Variants in CSNK2A2IP observed in about 807,000 individuals in gnomAD.
The protein encoded by CSNK2A2IP is casein kinase 2 subunit alpha' interacting protein.
the CSNK2A2IP span, among the ~76,000 whole-genome samples, chr3:88,419,835 A>T: frequency 6.6e-6 from 1 of 152,198 alleles, no homozygotes; most frequent in Non-Finnish European, 1.5e-5. Context: ...AACAAACATT[A>T]TAAAAAACCG....
the CSNK2A2IP span, among the ~76,000 whole-genome samples, chr3:88,433,977 G>A: frequency 9.9e-5 from 15 of 152,160 alleles, no homozygotes; most frequent in African/African-American, 2.9e-4. Flanking sequence ...TATATATCAC[G>A]CTGTTAAAAA....
At chr3:88,394,731 A>C in the CSNK2A2IP span, among the ~76,000 whole-genome samples, 1 of 152,158 alleles carries the variant, frequency 6.6e-6, no homozygotes, top group Non-Finnish European at 1.5e-5. Context: ...CCATTTATTG[A>C]CTATATATTT....
chr3:88,382,088 T>C, the CSNK2A2IP span, among the ~76,000 whole-genome samples: 1 of 152,350 alleles, frequency 6.6e-6, no homozygotes, highest in Non-Finnish European at 1.5e-5. Context: ...CACCCAATTT[T>C]CCTGCAGCAT....
chr3:88,382,311 T>C, the CSNK2A2IP span, among the ~76,000 whole-genome samples: 15,843 of 152,186 alleles, frequency 0.1, 1,296 homozygotes, highest in Admixed American at 0.27. Context: ...ATAGTCCCAA[T>C]AAATCTGTGA....
At chr3:88,424,925 G>T in the CSNK2A2IP span, among the ~76,000 whole-genome samples, 1 of 151,928 alleles carries the variant, frequency 6.6e-6, no homozygotes, top group East Asian at 1.9e-4. Flanking sequence ...CCTAAGGAAT[G>T]AATCTAAAGA....
At chr3:88,427,354 G>A in the CSNK2A2IP span, among the ~76,000 whole-genome samples, 1 of 152,204 alleles carries the variant, frequency 6.6e-6, no homozygotes, top group African/African-American at 2.4e-5. Context: ...AAAATTTGCA[G>A]CCTGACAATG....
chr3:88,419,482 A>G, the CSNK2A2IP span, among the ~76,000 whole-genome samples: 1 of 152,154 alleles, frequency 6.6e-6, no homozygotes, highest in South Asian at 2.1e-4. Flanking sequence ...TATTTGTACC[A>G]TATTTTCTTT....
the CSNK2A2IP span, among the ~76,000 whole-genome samples, chr3:88,382,196 C>G: frequency 1.3e-5 from 2 of 152,204 alleles, no homozygotes; most frequent in Non-Finnish European, 2.9e-5. Flanking sequence ...ACTAAGCCAT[C>G]TCAGAGTTGC....
At chr3:88,381,735 T>C in the CSNK2A2IP span, among the ~76,000 whole-genome samples, 5 of 152,174 alleles carry the variant, frequency 3.3e-5, no homozygotes, top group Non-Finnish European at 5.9e-5. Flanking sequence ...TGAGAGATAA[T>C]GACAGTAAAG....
At chr3:88,349,671 T>A in the CSNK2A2IP span, among the ~76,000 whole-genome samples, 1 of 152,086 alleles carries the variant, frequency 6.6e-6, no homozygotes, top group Non-Finnish European at 1.5e-5. Flanking sequence ...ATTGCTGAAT[T>A]GAATGGTAAA....
chr3:88,467,282 C>T, the CSNK2A2IP span: 1 of 400,802 alleles, frequency 2.5e-6, no homozygotes, highest in Non-Finnish European at 4.4e-6. Context: ...TCATCTTCTT[C>T]CTCCTCTTCC....
the CSNK2A2IP span, among the ~76,000 whole-genome samples, chr3:88,456,774 G>A: frequency 2.7e-5 from 4 of 150,240 alleles, no homozygotes; most frequent in Non-Finnish European, 4.4e-5. Context: ...TTTAATACAT[G>A]TGTCTTTTTC....
the CSNK2A2IP span, among the ~76,000 whole-genome samples, chr3:88,432,384 A>G: frequency 6.6e-6 from 1 of 151,908 alleles, no homozygotes; most frequent in African/African-American, 2.4e-5. Context: ...TTTGAAATCT[A>G]TCATCTATCT....
At chr3:88,389,788 T>C in the CSNK2A2IP span, among the ~76,000 whole-genome samples, 2 of 150,672 alleles carry the variant, frequency 1.3e-5, no homozygotes, top group Admixed American at 1.3e-4. Flanking sequence ...CACATTGGAG[T>C]GCATGGTGGT....
chr3:88,417,624 G>A, the CSNK2A2IP span, among the ~76,000 whole-genome samples: 4 of 152,134 alleles, frequency 2.6e-5, no homozygotes, highest in African/African-American at 9.7e-5. Context: ...AGTATGACAG[G>A]CAATCTAAAC....
At chr3:88,419,310 T>A in the CSNK2A2IP span, among the ~76,000 whole-genome samples, 3 of 152,182 alleles carry the variant, frequency 2.0e-5, no homozygotes, top group Non-Finnish European at 4.4e-5. Context: ...CTTTTTTGTG[T>A]CCATGTGTAC....
At chr3:88,360,882 A>T in the CSNK2A2IP span, among the ~76,000 whole-genome samples, 1 of 152,084 alleles carries the variant, frequency 6.6e-6, no homozygotes, top group Non-Finnish European at 1.5e-5. Flanking sequence ...AGAATTACAA[A>T]TAACACTTAT....
the CSNK2A2IP span, among the ~76,000 whole-genome samples, chr3:88,360,966 CA>C: frequency 1.3e-5 from 2 of 152,024 alleles, no homozygotes; most frequent in Non-Finnish European, 2.9e-5. Context: ...AAAAAACAAG[CA>C]AAGAGAAAAC....
chr3:88,381,432 T>A, the CSNK2A2IP span, among the ~76,000 whole-genome samples: 1 of 152,152 alleles, frequency 6.6e-6, no homozygotes, highest in South Asian at 2.1e-4. Context: ...CGGAATAGTA[T>A]GGGCTGGCTC....
Sources: allele counts gnomAD v4.1 joint callset (sites outside exome capture counted in the v4.1 genomes callset), GRCh38; gene constraint gnomAD v4.1.1; transcripts MANE v1.5; gene names NCBI Gene and HGNC (gene_info 2026-07-23, HGNC 2026-07-21).